Variants in CRACDL observed in about 807,000 individuals in gnomAD.
CRACDL encodes CRACD like, also known as CRACD-like protein.
A neutral mutation model predicts 70.6 loss-of-function variants in CRACDL; 26 were observed. The observed-to-expected ratio is 0.37, with a 90% CI of 0.27 to 0.51. The LOEUF is 0.51. Ranked by LOEUF, CRACDL falls within the 20% of genes least tolerant of loss-of-function variation. The pLI is 0.94. For synonymous variants in CRACDL, 618 were observed against 615.2 expected (o/e 1.00, Z -0.07); for missense variants, 1,283 against 1,376.9 (o/e 0.93, Z 1.08).
chr2:98,904,417 C>A (rs1354888992), intron 1 of CRACDL, among the ~76,000 whole-genome samples: 1 of 152,232 alleles, frequency 6.6e-6, no homozygotes, highest in Non-Finnish European at 1.5e-5. Context: ...GTTTGAAGAC[C>A]TGGATCCTTG....
At chr2:98,855,020 C>T (rs979319853) in intron 1 of CRACDL, among the ~76,000 whole-genome samples, 1 of 152,152 alleles carries the variant, frequency 6.6e-6, no homozygotes, top group Non-Finnish European at 1.5e-5. Context: ...CTGGGTGCGG[C>T]GGCTCACGCC....
chr2:98,907,319 CA>C (rs910618164), intron 1 of CRACDL, among the ~76,000 whole-genome samples: 1 of 152,072 alleles, frequency 6.6e-6, no homozygotes, highest in African/African-American at 2.4e-5. Context: ...CAAAACAAAA[CA>C]AAAACTCTTA....
intron 1 of CRACDL, among the ~76,000 whole-genome samples, chr2:98,867,436 A>C (rs1429262826): frequency 1.3e-5 from 2 of 152,220 alleles, no homozygotes; most frequent in African/African-American, 4.8e-5. Context: ...ACTGCAAAGC[A>C]TGACAGCTTT....
In CRACDL at chr2:98,827,186, A is replaced by T; in HGVS notation, c.541-17T>A. The T allele has an allele frequency of 6.3e-7, 1 of 1,592,588 alleles. No homozygotes were observed. Among genetic ancestry groups the T allele is most frequent in the South Asian group, 1.1e-5 (1 of 90,466 alleles). ...GACAGAGACCTTCGTGGGACAAGGA[A>T]CAAACACACGGAGCATGAACTTCAC... On this transcript the variant is annotated splice_polypyrimidine_tract_variant and intron_variant, in intron 5 of 9. Transcript: ENST00000397899.
chr2:98,931,060 T>C (rs530612446), intron 1 of CRACDL, among the ~76,000 whole-genome samples: 3 of 152,218 alleles, frequency 2.0e-5, no homozygotes, highest in South Asian at 2.1e-4. Flanking sequence ...CATGGTGGCT[T>C]ACGCCTGTAA....
intron 1 of CRACDL, chr2:98,908,368 C>T (rs566355025): frequency 5.2e-5 from 8 of 152,454 alleles, no homozygotes; most frequent in African/African-American, 1.9e-4. Flanking sequence ...CATTCCATGT[C>T]AACCCTCCAG....
intron 1 of CRACDL, among the ~76,000 whole-genome samples, chr2:98,880,887 C>T (rs1388735192): frequency 6.6e-6 from 1 of 152,232 alleles, no homozygotes; most frequent in Non-Finnish European, 1.5e-5. Flanking sequence ...AGCCTTGCCT[C>T]CCCTACTCAC....
chr2:98,929,299 G>A (rs1709011881), intron 1 of CRACDL, among the ~76,000 whole-genome samples: 1 of 152,208 alleles, frequency 6.6e-6, no homozygotes, highest in Non-Finnish European at 1.5e-5. Flanking sequence ...GAACCCGAGA[G>A]CCACGGTCTG....
intron 1 of CRACDL, among the ~76,000 whole-genome samples, chr2:98,889,291 GAAAGAA>G (rs1707892772): frequency 6.1e-5 from 2 of 32,618 alleles, no homozygotes; most frequent in Non-Finnish European, 1.1e-4. Flanking sequence ...GAGAGAGAAA[GAAAGAA>G]AGAAAGAAAG....
At chr2:98,924,208 G>A (rs753521244) in intron 1 of CRACDL, among the ~76,000 whole-genome samples, 1 of 152,120 alleles carries the variant, frequency 6.6e-6, no homozygotes, top group Admixed American at 6.5e-5. Context: ...GGTACCACGT[G>A]ACCACTGACC....
chr2:98,813,948 G>A (rs1211011380), intron 7 of CRACDL, among the ~76,000 whole-genome samples: 4 of 152,030 alleles, frequency 2.6e-5, no homozygotes, highest in African/African-American at 9.7e-5. Flanking sequence ...CAAGGAATTG[G>A]CCCTTTTCTT....
chr2:98,807,523 T>C (rs1704361300), intron 7 of CRACDL, among the ~76,000 whole-genome samples: 1 of 152,218 alleles, frequency 6.6e-6, no homozygotes, highest in South Asian at 2.1e-4. Context: ...GGCCCATGCC[T>C]GCCCCAGCTG....
chr2:98,855,700 T>C (rs969327720), intron 1 of CRACDL, among the ~76,000 whole-genome samples: 16 of 152,146 alleles, frequency 1.1e-4, no homozygotes, highest in African/African-American at 3.9e-4. Context: ...CTATTATAGA[T>C]ATGCTCAAAG....
At chr2:98,846,583 G>A (rs1223200933) in intron 2 of CRACDL, 148 bp downstream of exon 2, 11 of 629,022 alleles carry the variant, frequency 1.7e-5, no homozygotes, top group African/African-American at 1.1e-4. Context: ...CAGTCACAGC[G>A]TGAAGGGCCT....
Position 98,823,232 on chromosome 2 carries a change from G to A in CRACDL, c.1041C>T (p.Ala347=), listed in dbSNP as rs755478502. Residue 347 remains alanine, a synonymous_variant, in exon 7 of 10, where the codon GCC becomes GCT. Coordinates refer to ENST00000397899, the MANE Select transcript of CRACDL (RefSeq NM_207362.3). This position sits in a 1 kb window ranked among gnomAD's most constrained non-coding sequence, Gnocchi z 4.0. ...ATPELAEPES[A]PTLRVEPPSP... is the part of the protein sequence containing the mutation. ...ACGGGGGCTCCACGCGGAGAGTGGG[G>A]GCCGACTCGGGCTCGGCGAGCTCCG... The A allele has an allele frequency of 7.1e-7, 1 of 1,407,120 alleles. No individual in the cohort carries two copies. The highest frequency in any genetic ancestry group is 1.5e-5 in the South Asian group (1 of 65,220). 87.2% of individuals were successfully genotyped at this position (1,407,120 alleles called of 1,614,324 possible).
intron 1 of CRACDL, among the ~76,000 whole-genome samples, chr2:98,911,152 C>T (rs1211863596): frequency 3.3e-5 from 5 of 152,204 alleles, no homozygotes; most frequent in African/African-American, 1.2e-4. Flanking sequence ...AGGCACACCC[C>T]TCTTCTGCTT....
intron 1 of CRACDL, among the ~76,000 whole-genome samples, chr2:98,864,543 G>A (rs1009565797): frequency 2.0e-5 from 3 of 150,232 alleles, no homozygotes; most frequent in African/African-American, 7.3e-5. Context: ...CCCATTGATT[G>A]TACCCTTTTT....
At chr2:98,917,772 T>G (rs1708703085) in intron 1 of CRACDL, among the ~76,000 whole-genome samples, 1 of 152,236 alleles carries the variant, frequency 6.6e-6, no homozygotes, top group African/African-American at 2.4e-5. Flanking sequence ...TAGTTGCTCA[T>G]CTCTCACCCA....
At chr2:98,909,744 C>G (rs754195404) in intron 1 of CRACDL, among the ~76,000 whole-genome samples, 2 of 152,310 alleles carry the variant, frequency 1.3e-5, no homozygotes, top group Non-Finnish European at 2.9e-5. Flanking sequence ...CACCTGGCCA[C>G]TTTGCTCTTT....
Sources: gnomAD v4.1 joint callset for allele counts (sites outside exome capture counted in the v4.1 genomes callset) on GRCh38, gnomAD v4.1.1 for gene constraint, Gnocchi (gnomAD v3.1) non-coding constraint, MANE v1.5 for transcripts, NCBI Gene and HGNC (gene_info 2026-07-23, HGNC 2026-07-21) for gene names.